Variants in KIF26B observed in about 807,000 individuals in gnomAD.
KIF26B encodes kinesin family member 26B, also known as kinesin-like protein KIF26B.
KIF26B carries 63 observed loss-of-function variants against 151.2 expected under a neutral mutation model. The ratio of observed to expected loss-of-function variants is 0.42; its 90% CI spans 0.34 to 0.51. The LOEUF is 0.51. Among genes scored for constraint, KIF26B ranks in the 20% least tolerant of loss-of-function variants. KIF26B has a pLI of 0.07. For synonymous variants in KIF26B, 1,357 were observed against 1,262.1 expected (o/e 1.08, Z -1.59); for missense variants, 2,813 against 2,913.6 (o/e 0.97, Z 0.79).
At chr1:245,487,894 T>C (rs1037208251) in intron 4 of KIF26B, among the ~76,000 whole-genome samples, 8 of 151,452 alleles carry the variant, frequency 5.3e-5, no homozygotes, top group African/African-American at 1.7e-4. Flanking sequence ...GTTCAAGCAA[T>C]CCTCCTGCCT....
intron 3 of KIF26B, among the ~76,000 whole-genome samples, chr1:245,387,017 C>T (rs1369076403): frequency 6.6e-6 from 1 of 152,096 alleles, no homozygotes; most frequent in Non-Finnish European, 1.5e-5. Flanking sequence ...ATACGAATTC[C>T]CCTGCGCATC....
At chr1:245,554,073 C>G (rs1475422637) in intron 5 of KIF26B, among the ~76,000 whole-genome samples, 1 of 152,054 alleles carries the variant, frequency 6.6e-6, no homozygotes, top group Non-Finnish European at 1.5e-5. Flanking sequence ...TAAGTGCCTT[C>G]TTCCTCCCAT....
intron 4 of KIF26B, among the ~76,000 whole-genome samples, chr1:245,468,480 C>T (rs940992831): frequency 1.1e-4 from 16 of 152,296 alleles, no homozygotes; most frequent in African/African-American, 3.4e-4. Flanking sequence ...CAGCCTGTCA[C>T]GGTAGTAGCA....
rs697314 is a variant in KIF26B at position 245,377,694 on chromosome 1, A to T, written c.999+10327A>T. On this transcript the variant is annotated intron_variant, in intron 3 of 14. Transcript: ENST00000407071. ...AAAAAGAAGAAAAGTGAAGTTGCAG[A>T]GGTAAAAGGTACATGCGGGCTCTTT... 5.3e-5 allele frequency among the ~76,000 whole-genome samples: 8 copies of T among 152,272 alleles called. No individual in the cohort carries two copies. The East Asian group carries it at 9.7e-4, about 18-fold the overall frequency.
chr1:245,590,695 T>C (rs1163310014), intron 5 of KIF26B, among the ~76,000 whole-genome samples: 1 of 151,970 alleles, frequency 6.6e-6, no homozygotes, highest in Non-Finnish European at 1.5e-5. Flanking sequence ...ATCACTTGAG[T>C]CCAGGAGTTC....
Position 245,607,643 on chromosome 1 carries a change from T to A in KIF26B, c.1558-8T>A. 1 of 1,602,420 alleles carries A rather than the reference T, an allele frequency of 6.2e-7. No homozygotes were observed. The highest frequency in any genetic ancestry group is 8.5e-7 in the Non-Finnish European group (1 of 1,174,258). On this transcript the variant is annotated splice_polypyrimidine_tract_variant and splice_region_variant and intron_variant, in intron 6 of 14. Coordinates refer to ENST00000407071, the MANE Select transcript of KIF26B (RefSeq NM_018012.4). ...TTCACGGCTCGTGTCTCCTCTTGTGTCTGACAGGCTGAAGTGTGTGCAGGC... is the reference window on the plus strand; with the variant it reads ...TTCACGGCTCGTGTCTCCTCTTGTGACTGACAGGCTGAAGTGTGTGCAGGC...
chr1:245,470,107 G>T (rs896959054), intron 4 of KIF26B, among the ~76,000 whole-genome samples: 9 of 152,104 alleles, frequency 5.9e-5, no homozygotes, highest in African/African-American at 1.7e-4. Flanking sequence ...CACACTGATT[G>T]TTCAGTTTGG....
intron 4 of KIF26B, among the ~76,000 whole-genome samples, chr1:245,438,390 G>C (rs796582329): frequency 1.3e-5 from 2 of 152,186 alleles, no homozygotes; most frequent in South Asian, 4.1e-4. Flanking sequence ...TGTTCTTTGA[G>C]AACTACGTTT....
intron 2 of KIF26B, among the ~76,000 whole-genome samples, chr1:245,327,008 A>G (rs1347122049): frequency 6.6e-6 from 1 of 152,172 alleles, no homozygotes; most frequent in Admixed American, 6.5e-5. Context: ...ACTCCTTACC[A>G]TCTGAAGAAC....
intron 2 of KIF26B, among the ~76,000 whole-genome samples, chr1:245,203,359 T>A (rs1457632506): frequency 1.3e-5 from 2 of 152,210 alleles, no homozygotes; most frequent in Non-Finnish European, 2.9e-5. Context: ...AAGAATGTTT[T>A]TGGATTCACA....
chr1:245,643,826 C>T (rs1446552075), intron 9 of KIF26B, among the ~76,000 whole-genome samples: 1 of 152,200 alleles, frequency 6.6e-6, no homozygotes, highest in Non-Finnish European at 1.5e-5. Flanking sequence ...GCTCCACTGT[C>T]TTCTCACCTG....
rs2044867816 is a variant in KIF26B at position 245,708,385 on chromosome 1, G to C, written c.*5779G>C. On this transcript the variant is annotated 3_prime_UTR_variant, in exon 15 of 15. Transcript: ENST00000407071. Reference sequence around the variant, plus strand: ...TGGTTTTATAGCAAAACAGGGACTTGAGTCCAGCTTATTGGATTCTTCCCA... The same window carrying C: ...TGGTTTTATAGCAAAACAGGGACTTCAGTCCAGCTTATTGGATTCTTCCCA... 1 of 152,214 alleles carries C rather than the reference G, an allele frequency of 6.6e-6. No homozygotes were observed. The highest frequency in any genetic ancestry group is 2.1e-4 in the South Asian group (1 of 4,834). 9.4% of individuals were successfully genotyped at this position (152,214 alleles called of 1,614,324 possible).
intron 3 of KIF26B, chr1:245,370,473 C>T (rs1309125482): frequency 5.4e-6 from 2 of 372,304 alleles, no homozygotes; most frequent in Admixed American, 3.3e-5. Context: ...AAATACAATG[C>T]TCAGGTGAAC....
intron 2 of KIF26B, among the ~76,000 whole-genome samples, chr1:245,286,067 G>A (rs990817397): frequency 1.5e-4 from 23 of 151,860 alleles, no homozygotes; most frequent in Non-Finnish European, 2.9e-4. Flanking sequence ...CAACTCAAGA[G>A]GTTCACTGCT....
chr1:245,155,631 C>A (rs537406215), intron 1 of KIF26B, 144 bp downstream of exon 1: 2 of 678,882 alleles, frequency 2.9e-6, no homozygotes, highest in Admixed American at 3.5e-5. Flanking sequence ...TGTGAGTGCG[C>A]GGAGGCGGGT....
intron 4 of KIF26B, among the ~76,000 whole-genome samples, chr1:245,454,002 C>A (rs1659456724): frequency 6.6e-6 from 1 of 152,150 alleles, no homozygotes; most frequent in Admixed American, 6.5e-5. Context: ...GGGCGGGTTT[C>A]AATAACCTTC....
At chr1:245,347,301 TTTTCTTTC>T (rs751670427) in intron 2 of KIF26B, among the ~76,000 whole-genome samples, 2 of 151,982 alleles carry the variant, frequency 1.3e-5, no homozygotes, top group African/African-American at 2.4e-5. Flanking sequence ...GTCCCCTTTC[TTTTCTTTC>T]TTTCTTTCTT....
rs202025777 is a variant in KIF26B at position 245,265,805 on chromosome 1, G to A, written c.466-101029G>A. ...GTATTTTATACAGAGATGGGGTTTTGCCATGTTGCTCAAGCTGGTTTCGAA... is the reference window on the plus strand; with the variant it reads ...GTATTTTATACAGAGATGGGGTTTTACCATGTTGCTCAAGCTGGTTTCGAA... On this transcript the variant is annotated intron_variant, in intron 2 of 14. Transcript: ENST00000407071. 9.7e-3 allele frequency among the ~76,000 whole-genome samples: 1,479 copies of A among 152,106 alleles called. 13 individuals carry two copies. Among genetic ancestry groups the A allele is most frequent in the East Asian group, 0.069 (356 of 5,162 alleles).
intron 10 of KIF26B, among the ~76,000 whole-genome samples, chr1:245,662,686 TACAATATATATATA>T (rs1224600442): frequency 1.6e-4 from 9 of 55,144 alleles, no homozygotes; most frequent in African/African-American, 4.6e-4. Flanking sequence ...TACATATATA[TACAATATATATATA>T]AACCCAATGA....
Sources: allele counts gnomAD v4.1 joint callset (sites outside exome capture counted in the v4.1 genomes callset), GRCh38; gene constraint gnomAD v4.1.1; transcripts MANE v1.5; gene names NCBI Gene and HGNC (gene_info 2026-07-23, HGNC 2026-07-21).